CACNA2D3: variants seen among roughly 807,000 people sequenced by gnomAD.
CACNA2D3 encodes the protein voltage-dependent calcium channel subunit alpha-2/delta-3.
A neutral mutation model predicts 160.6 loss-of-function variants in CACNA2D3; 60 were observed. The observed-to-expected ratio is 0.37, with a 90% confidence interval of 0.30 to 0.46. The LOEUF (loss-of-function observed/expected upper bound fraction) is 0.46. CACNA2D3 is among the 20% of genes least tolerant of loss of function. The probability of loss-of-function intolerance (pLI) is 1.00; values close to 1 mark genes in which losing one functional copy is unlikely to be tolerated. For missense variants in CACNA2D3, 1,205 were observed against 1,365.0 expected (o/e 0.88, Z 1.85); for synonymous variants, 558 against 492.9 (o/e 1.13, Z -1.75).
chr3:54,123,473 A>T (rs757584192), intron 1 of CACNA2D3, 40 bp from the exon 2 acceptor site: 1 of 1,429,242 alleles, frequency 7.0e-7, no homozygotes, highest in Non-Finnish European at 9.9e-7. Context: ...TGACTGTGAC[A>T]CGGGTGTTAC....
chr3:54,405,696 C>T, intron 4 of CACNA2D3, among the ~76,000 whole-genome samples: 1 of 151,924 alleles, frequency 6.6e-6, no homozygotes, highest in Non-Finnish European at 1.5e-5. Flanking sequence ...GCTCAGGCTA[C>T]AAAAGCAAAA....
intron 31 of CACNA2D3, among the ~76,000 whole-genome samples, chr3:55,000,147 CAG>C (rs764768634): frequency 6.6e-6 from 1 of 152,166 alleles, no homozygotes; most frequent in Non-Finnish European, 1.5e-5. Context: ...GCATGATTCT[CAG>C]AGCTGATTTT....
intron 4 of CACNA2D3, among the ~76,000 whole-genome samples, chr3:54,391,818 G>A (rs1044610450): frequency 7.2e-5 from 11 of 152,070 alleles, no homozygotes; most frequent in Non-Finnish European, 1.2e-4. Flanking sequence ...GCCTGGCAGG[G>A]TAACTTTCTT....
At chr3:54,247,493 T>C (rs1414442692) in intron 2 of CACNA2D3, among the ~76,000 whole-genome samples, 1 of 151,928 alleles carries the variant, frequency 6.6e-6, no homozygotes, top group Non-Finnish European at 1.5e-5. Context: ...GAAATAAAGA[T>C]TAAACTAGAA....
chr3:54,741,647 C>G (rs1227157650), intron 11 of CACNA2D3, among the ~76,000 whole-genome samples: 1 of 151,438 alleles, frequency 6.6e-6, no homozygotes, highest in Non-Finnish European at 1.5e-5. Context: ...CAGTGGTCCT[C>G]TTTGTTGTAA....
At chr3:54,436,575 A>G (rs955674036) in intron 4 of CACNA2D3, among the ~76,000 whole-genome samples, 5 of 152,264 alleles carry the variant, frequency 3.3e-5, no homozygotes, top group Non-Finnish European at 5.9e-5. Context: ...TGGCACATAT[A>G]CACCATGGAA....
chr3:54,241,676 G>T (rs771311889), intron 2 of CACNA2D3, among the ~76,000 whole-genome samples: 1 of 152,196 alleles, frequency 6.6e-6, no homozygotes, highest in Non-Finnish European at 1.5e-5. Flanking sequence ...ATGGATGCCA[G>T]ACTGGCAATA....
At chr3:54,223,592 A>T (rs1207654017) in intron 2 of CACNA2D3, among the ~76,000 whole-genome samples, 4 of 152,120 alleles carry the variant, frequency 2.6e-5, no homozygotes, top group African/African-American at 9.7e-5. Context: ...CGGTAATCCT[A>T]GCACTGTAAT....
intron 14 of CACNA2D3, among the ~76,000 whole-genome samples, chr3:54,823,041 G>T (rs1395831159): frequency 6.6e-6 from 1 of 151,750 alleles, no homozygotes; most frequent in Non-Finnish European, 1.5e-5. Flanking sequence ...TTTTAGTAGA[G>T]ACAGAGTTTC....
chr3:54,661,974 G>A (rs1699982370), intron 11 of CACNA2D3, among the ~76,000 whole-genome samples: 1 of 151,806 alleles, frequency 6.6e-6, no homozygotes, highest in African/African-American at 2.4e-5. Flanking sequence ...CATAGTACCT[G>A]CTGTTAATAT....
chr3:54,846,549 C>A, intron 17 of CACNA2D3, 82 bp downstream of exon 17: 2 of 860,820 alleles, frequency 2.3e-6, no homozygotes, highest in Non-Finnish European at 3.7e-6. Context: ...TGACACTTTG[C>A]TGCAGTTTTC....
intron 27 of CACNA2D3, among the ~76,000 whole-genome samples, chr3:54,931,712 G>A (rs1701195705): frequency 6.6e-6 from 1 of 152,158 alleles, no homozygotes. Context: ...CCAAGCTTCT[G>A]AGACATATTC....
At chr3:54,402,940 C>T (rs1441146789) in intron 4 of CACNA2D3, among the ~76,000 whole-genome samples, 2 of 152,064 alleles carry the variant, frequency 1.3e-5, no homozygotes, top group African/African-American at 4.8e-5. Context: ...TATTTATGAC[C>T]ACAAGTATAT....
intron 27 of CACNA2D3, among the ~76,000 whole-genome samples, chr3:54,935,646 T>C (rs1176862060): frequency 6.6e-6 from 1 of 152,342 alleles, no homozygotes; most frequent in Non-Finnish European, 1.5e-5. Context: ...AATGAGTGTT[T>C]TTTGCAGTTC....
chr3:54,856,592 G>A, intron 17 of CACNA2D3, among the ~76,000 whole-genome samples: 1 of 152,108 alleles, frequency 6.6e-6, no homozygotes, highest in Admixed American at 6.5e-5. Flanking sequence ...TTTATTTGGT[G>A]TTTTCATTCT....
intron 9 of CACNA2D3, among the ~76,000 whole-genome samples, chr3:54,615,886 A>G (rs890506531): frequency 6.6e-6 from 1 of 152,220 alleles, no homozygotes; most frequent in African/African-American, 2.4e-5. Context: ...AGCCAGCAGC[A>G]TCATTTGATT....
intron 3 of CACNA2D3, among the ~76,000 whole-genome samples, chr3:54,341,324 C>T (rs1219420864): frequency 6.6e-6 from 1 of 152,180 alleles, no homozygotes; most frequent in Non-Finnish European, 1.5e-5. Context: ...ATAGTAGAGC[C>T]TCCCGGGGTA....
chr3:54,839,884 C>T (rs1301757995), intron 16 of CACNA2D3, among the ~76,000 whole-genome samples: 14 of 152,132 alleles, frequency 9.2e-5, no homozygotes, highest in Admixed American at 7.2e-4. Context: ...AGTTAAGTTC[C>T]CAGAGGCATG....
rs534202063 is a variant in CACNA2D3 at position 54,287,777 on chromosome 3, A to C, written c.205-32665A>C. Among the ~76,000 whole-genome samples, 326 of 148,544 alleles carry C rather than the reference A, an allele frequency of 2.2e-3. 3 individuals are homozygous for C. The East Asian group carries it at 0.035, about 16-fold the overall frequency. On this transcript the variant is annotated intron_variant, in intron 2 of 37. Transcript: ENST00000474759. ...AGAACTCAGGATTAAGAATCTCACT[A>C]AAAACCGCTCAACTGCATGGAAACT... is the stretch of plus-strand genomic sequence containing the variant.
Sources: gnomAD v4.1 joint callset for allele counts (sites outside exome capture counted in the v4.1 genomes callset) on GRCh38, gnomAD v4.1.1 for gene constraint, MANE v1.5 for transcripts, NCBI Gene and HGNC (gene_info 2026-07-23, HGNC 2026-07-21) for gene names.